STARD13: variants seen among roughly 807,000 people sequenced by gnomAD.
STARD13 encodes the protein StAR related lipid transfer domain containing 13, also known as stAR-related lipid transfer protein 13.
In STARD13, 62 loss-of-function variants were observed where a neutral mutation model predicts 106.4. The ratio of observed to expected loss-of-function variants is 0.58; its 90% CI spans 0.48 to 0.72. The LOEUF is 0.72. STARD13 is among the 30% of genes least tolerant of loss of function. The probability of loss-of-function intolerance (pLI) is 0.00; values close to 1 mark genes in which losing one functional copy is unlikely to be tolerated. For missense variants in STARD13, 1,387 were observed against 1,424.0 expected (o/e 0.97, Z 0.42); for synonymous variants, 565 against 553.0 (o/e 1.02, Z -0.31).
chr13:33,162,014 T>A (rs1320951143), intron 3 of STARD13, among the ~76,000 whole-genome samples: 3 of 152,174 alleles, frequency 2.0e-5, no homozygotes, highest in Non-Finnish European at 2.9e-5. Context: ...CTATAACATG[T>A]GGCAATTATG....
intron 1 of STARD13, among the ~76,000 whole-genome samples, chr13:33,322,616 C>T (rs11838815): frequency 5.3e-5 from 8 of 152,156 alleles, no homozygotes; most frequent in Non-Finnish European, 8.8e-5. Flanking sequence ...CTGTTGCACG[C>T]GCAGTGACGT....
the STARD13 span, among the ~76,000 whole-genome samples, chr13:33,480,285 A>G: frequency 6.6e-6 from 1 of 152,354 alleles, no homozygotes; most frequent in South Asian, 2.1e-4. Flanking sequence ...GTTCAGAACC[A>G]TTAATATCTT....
Position 33,129,624 on chromosome 13 carries a change from G to A in STARD13, c.1053C>T (p.Arg351=), listed in dbSNP as rs746305134. The A allele has an allele frequency of 3.1e-6, 5 of 1,613,848 alleles. No individual in the cohort carries two copies. In the Admixed American group the frequency reaches 5.0e-5, roughly 16 times the overall value. The change falls in exon 5 of 14, where the codon CGC becomes CGT. Residue 351 remains arginine, a synonymous_variant. Coordinates refer to ENST00000336934, the MANE Select transcript of STARD13 (RefSeq NM_178006.4). Reference sequence around the variant, plus strand: ...CGCGCTTGTTGGCCTCGTGGCACTTGCGTTCCTTCAGGCAGGGCGTGCTCA... The same window carrying A: ...CGCGCTTGTTGGCCTCGTGGCACTTACGTTCCTTCAGGCAGGGCGTGCTCA... ...SGVSTPCLKE[R]KCHEANKRGG... is the part of the protein sequence containing the mutation.
chr13:33,543,658 G>A, the STARD13 span, among the ~76,000 whole-genome samples: 2 of 152,270 alleles, frequency 1.3e-5, no homozygotes, highest in South Asian at 4.1e-4. Flanking sequence ...TCTCAAACTG[G>A]AGCATGCATC....
the STARD13 span, among the ~76,000 whole-genome samples, chr13:33,612,091 C>T: frequency 6.6e-6 from 1 of 152,072 alleles, no homozygotes; most frequent in Non-Finnish European, 1.5e-5. Context: ...AAATATGTAC[C>T]AGGTGTTGTG....
At chr13:33,394,386 C>T in the STARD13 span, among the ~76,000 whole-genome samples, 1 of 152,118 alleles carries the variant, frequency 6.6e-6, no homozygotes, top group Non-Finnish European at 1.5e-5. Context: ...ATCACACTAG[C>T]TAAACTTCAA....
At chr13:33,237,705 A>G (rs1889262140) in intron 1 of STARD13, among the ~76,000 whole-genome samples, 1 of 152,200 alleles carries the variant, frequency 6.6e-6, no homozygotes, top group African/African-American at 2.4e-5. Context: ...ACACTTACCA[A>G]AAAATTTTAA....
intron 1 of STARD13, among the ~76,000 whole-genome samples, chr13:33,201,973 A>G (rs1887068784): frequency 6.6e-6 from 1 of 151,598 alleles, no homozygotes; most frequent in African/African-American, 2.4e-5. Flanking sequence ...TATTATTTAT[A>G]AATAATATCA....
chr13:33,663,104 G>A, the STARD13 span, among the ~76,000 whole-genome samples: 26 of 151,858 alleles, frequency 1.7e-4, no homozygotes, highest in African/African-American at 5.8e-4. Context: ...TTGGAGATAG[G>A]GTCTCATTCT....
intron 4 of STARD13, among the ~76,000 whole-genome samples, chr13:33,133,456 G>A (rs1456854997): frequency 3.3e-5 from 5 of 149,384 alleles, no homozygotes; most frequent in African/African-American, 1.2e-4. Context: ...AAAGCAAAAT[G>A]CAACAGAGAA....
intron 1 of STARD13, chr13:33,280,386 T>G (rs1891714787): frequency 6.6e-6 from 1 of 152,160 alleles, no homozygotes; most frequent in Non-Finnish European, 1.5e-5. Flanking sequence ...GAATGGCAAC[T>G]CAAATGACAG....
the STARD13 span, among the ~76,000 whole-genome samples, chr13:33,532,794 G>C: frequency 6.6e-6 from 1 of 152,206 alleles, no homozygotes; most frequent in African/African-American, 2.4e-5. Context: ...TTCATACCTG[G>C]TGTCTGATTC....
At chr13:33,219,437 C>T (rs537845876) in intron 1 of STARD13, among the ~76,000 whole-genome samples, 6 of 138,246 alleles carry the variant, frequency 4.3e-5, no homozygotes, top group South Asian at 4.8e-4. Flanking sequence ...AAAAATAGGT[C>T]GGATGCAGGA....
chr13:33,331,337 T>C (rs956704773), intron 1 of STARD13, among the ~76,000 whole-genome samples: 2 of 137,340 alleles, frequency 1.5e-5, no homozygotes, highest in African/African-American at 5.1e-5. Context: ...TCCCTACATC[T>C]TCATTCTTGT....
chr13:33,205,933 T>C, intron 1 of STARD13: 1 of 985,420 alleles, frequency 1.0e-6, no homozygotes, highest in Non-Finnish European at 1.2e-6. Context: ...AGATGGTGCA[T>C]CTGTCACCGA....
intron 1 of STARD13, among the ~76,000 whole-genome samples, chr13:33,190,144 A>C (rs1225017257): frequency 1.3e-5 from 2 of 152,178 alleles, no homozygotes; most frequent in Non-Finnish European, 2.9e-5. Context: ...GGTTTAGTTA[A>C]AAATATTTTA....
At chr13:33,357,989 C>T in the STARD13 span, among the ~76,000 whole-genome samples, 22 of 152,192 alleles carry the variant, frequency 1.4e-4, no homozygotes, top group Admixed American at 1.3e-3. Context: ...GGGAGAGGCA[C>T]GAGCGGGAAC....
chr13:33,146,569 T>A (rs1880574583), intron 3 of STARD13, among the ~76,000 whole-genome samples: 1 of 152,234 alleles, frequency 6.6e-6, no homozygotes, highest in African/African-American at 2.4e-5. Flanking sequence ...TATGCTTTGG[T>A]GATTTTTTGG....
the STARD13 span, among the ~76,000 whole-genome samples, chr13:33,622,765 C>T: frequency 6.8e-6 from 1 of 148,010 alleles, no homozygotes; most frequent in Non-Finnish European, 1.5e-5. Context: ...ACTAAAAATA[C>T]AAAAATTAGC....
Sources: allele counts gnomAD v4.1 joint callset (sites outside exome capture counted in the v4.1 genomes callset), GRCh38; gene constraint gnomAD v4.1.1; transcripts MANE v1.5; gene names NCBI Gene and HGNC (gene_info 2026-07-23, HGNC 2026-07-21).